Variants in CRYBG1 observed in about 807,000 individuals in gnomAD.
The protein encoded by CRYBG1 is crystallin beta-gamma domain containing 1, also known as beta/gamma crystallin domain-containing protein 1.
A neutral mutation model predicts 189.2 loss-of-function variants in CRYBG1; 139 were observed. That is an observed-to-expected ratio of 0.73 (90% CI 0.64 to 0.85). CRYBG1 has a LOEUF of 0.85. Ranked by LOEUF, CRYBG1 falls within the 40% of genes least tolerant of loss-of-function variation. The pLI is 0.00. For missense variants in CRYBG1, 2,611 were observed against 2,675.8 expected (o/e 0.98, Z 0.53); for synonymous variants, 1,023 against 1,017.1 (o/e 1.01, Z -0.11).
chr6:106,416,951 T>C (rs990096618), intron 1 of CRYBG1, among the ~76,000 whole-genome samples: 1 of 151,812 alleles, frequency 6.6e-6, no homozygotes, highest in African/African-American at 2.4e-5. Flanking sequence ...TTGTTTTACA[T>C]TGAGTTTTTT....
At chr6:106,371,109 T>C (rs1770016542) in intron 1 of CRYBG1, among the ~76,000 whole-genome samples, 1 of 152,218 alleles carries the variant, frequency 6.6e-6, no homozygotes, top group African/African-American at 2.4e-5. Context: ...ATAGAGCCTA[T>C]CAGTATGATA....
chr6:106,540,396 A>G (rs1187862403), intron 9 of CRYBG1, among the ~76,000 whole-genome samples: 1 of 152,186 alleles, frequency 6.6e-6, no homozygotes, highest in East Asian at 1.9e-4. Flanking sequence ...AATTTTTTTA[A>G]TGTTAATTTT....
At chr6:106,459,072 T>C (rs752736396) in intron 2 of CRYBG1, among the ~76,000 whole-genome samples, 10 of 152,258 alleles carry the variant, frequency 6.6e-5, no homozygotes, top group Non-Finnish European at 1.3e-4. Flanking sequence ...GTTGCCTATG[T>C]ATAGCCAGCT....
chr6:106,462,978 C>A (rs1024176285), intron 2 of CRYBG1, among the ~76,000 whole-genome samples: 5 of 152,100 alleles, frequency 3.3e-5, no homozygotes, highest in Non-Finnish European at 4.4e-5. Context: ...ATAAGCAAGA[C>A]CCTATCTCTA....
At chr6:106,391,861 C>T (rs558214999) in intron 1 of CRYBG1, among the ~76,000 whole-genome samples, 16 of 152,026 alleles carry the variant, frequency 1.1e-4, no homozygotes, top group South Asian at 8.3e-4. Flanking sequence ...AAATTCTTGT[C>T]ATTAGAGGTG....
intron 21 of CRYBG1, among the ~76,000 whole-genome samples, chr6:106,567,937 A>T (rs1774939839): frequency 6.6e-6 from 1 of 152,086 alleles, no homozygotes; most frequent in Non-Finnish European, 1.5e-5. Context: ...CCCCTTATGT[A>T]CTTCCGGGTG....
chr6:106,504,915 A>G (rs1773095778), intron 2 of CRYBG1, among the ~76,000 whole-genome samples: 1 of 151,926 alleles, frequency 6.6e-6, no homozygotes, highest in Non-Finnish European at 1.5e-5. Context: ...CTTTAATTCT[A>G]AAAGTCTTCA....
At chr6:106,377,647 A>ATATATATATATATATATATATTTT (rs1562290499) in intron 1 of CRYBG1, among the ~76,000 whole-genome samples, 1 of 144,166 alleles carries the variant, frequency 6.9e-6, no homozygotes, top group African/African-American at 2.7e-5. Context: ...ATATATATAT[A>ATATATATATATATATATATATTTT]TTTTCATTTG....
chr6:106,482,903 T>C (rs1288733610), intron 2 of CRYBG1, among the ~76,000 whole-genome samples: 1 of 152,232 alleles, frequency 6.6e-6, no homozygotes, highest in Non-Finnish European at 1.5e-5. Flanking sequence ...GGGGTATAAT[T>C]TGATGTTTCA....
chr6:106,430,115 C>T (rs1481518617), intron 1 of CRYBG1, among the ~76,000 whole-genome samples: 1 of 151,862 alleles, frequency 6.6e-6, no homozygotes, highest in Non-Finnish European at 1.5e-5. Flanking sequence ...AAGAAATGAC[C>T]CAGTATAATA....
intron 1 of CRYBG1, among the ~76,000 whole-genome samples, chr6:106,417,542 A>G (rs1771047802): frequency 6.6e-6 from 1 of 152,220 alleles, no homozygotes; most frequent in South Asian, 2.1e-4. Context: ...TAGTTTCTGT[A>G]AAGATAACCA....
chr6:106,567,251 C>T (rs182221665), intron 21 of CRYBG1, among the ~76,000 whole-genome samples: 229 of 152,248 alleles, frequency 1.5e-3, no homozygotes, highest in Admixed American at 3.3e-3. Flanking sequence ...GTCTCTGTCT[C>T]GGCAGAGTGT....
chr6:106,551,853 T>A lies in CRYBG1; in HGVS notation c.5314T>A (p.Trp1772Arg), dbSNP rs1258631962. 6.2e-7 allele frequency: 1 copy of A among 1,611,708 alleles called. No homozygotes were observed. Among genetic ancestry groups the A allele is most frequent in the South Asian group, 1.1e-5 (1 of 90,740 alleles). ...TQSINVLSGV[W>R]VAYENPDFTG... ...CAAGTGATTGCTTTTGTTTCTTAGA[T>A]GGGTAGCCTATGAAAATCCTGACTT... The change falls in exon 14 of 22, where the codon TGG becomes AGG. Residue 1772 changes from tryptophan (W) to arginine (R), a missense_variant and splice_region_variant. Trp to Arg is a moderately radical substitution (Grantham distance 101). Transcript: ENST00000633556.
rs527719817 is a variant in CRYBG1, at chr6:106,480,577, G to A, written c.312+28745G>A. 3.0e-3 allele frequency among the ~76,000 whole-genome samples: 451 copies of A among 151,974 alleles called. 2 individuals are homozygous for A. The highest frequency in any genetic ancestry group is 5.2e-3 in the Non-Finnish European group (355 of 67,964). On this transcript the variant is annotated intron_variant, in intron 2 of 21. Transcript: ENST00000633556. ...AGCTACTTAGCAGGCTGAGGCAGGA[G>A]AATCACTTGAACCCGGGAGGCGGAG...
Position 106,487,657 on chromosome 6 carries a change from G to T in CRYBG1, c.313-23773G>T, listed in dbSNP as rs533719191. On this transcript the variant is annotated intron_variant, in intron 2 of 21. Transcript: ENST00000633556. Reference sequence around the variant, plus strand: ...TTCTTCAGCTCCAAGATTTCTGTTTGGTTCTTTTTTATGATATCTATCTTT... The same window carrying T: ...TTCTTCAGCTCCAAGATTTCTGTTTTGTTCTTTTTTATGATATCTATCTTT... 2.0e-5 allele frequency among the ~76,000 whole-genome samples: 3 copies of T among 151,982 alleles called. No individual in the cohort carries two copies. The South Asian group carries it at 6.2e-4, about 32-fold the overall frequency.
chr6:106,486,066 C>T (rs966733303), intron 2 of CRYBG1, among the ~76,000 whole-genome samples: 1 of 152,068 alleles, frequency 6.6e-6, no homozygotes, highest in East Asian at 1.9e-4. Context: ...TATTAGAAAT[C>T]TTTCCTCTTT....
chr6:106,433,747 A>ATG (rs1330525648), intron 1 of CRYBG1, among the ~76,000 whole-genome samples: 1 of 31,076 alleles, frequency 3.2e-5, no homozygotes, highest in African/African-American at 1.1e-4. Flanking sequence ...ATATATATGT[A>ATG]TATATATATG....
chr6:106,461,835 G>T (rs1772013030), intron 2 of CRYBG1, among the ~76,000 whole-genome samples: 1 of 152,132 alleles, frequency 6.6e-6, no homozygotes, highest in African/African-American at 2.4e-5. Flanking sequence ...GGTGCAATGG[G>T]TGTGCTAATA....
chr6:106,381,885 T>A (rs1770296793), intron 1 of CRYBG1, among the ~76,000 whole-genome samples: 2 of 152,228 alleles, frequency 1.3e-5, no homozygotes, highest in Non-Finnish European at 2.9e-5. Flanking sequence ...GGACAGGGCA[T>A]GGACAATGTC....
Sources: gnomAD v4.1 joint callset for allele counts (sites outside exome capture counted in the v4.1 genomes callset) on GRCh38, gnomAD v4.1.1 for gene constraint, MANE v1.5 for transcripts, NCBI Gene and HGNC (gene_info 2026-07-23, HGNC 2026-07-21) for gene names.